CFAP54: variants seen among roughly 807,000 people sequenced by gnomAD.
The protein encoded by CFAP54 is cilia- and flagella-associated protein 54.
CFAP54 carries 290 observed loss-of-function variants against 370.4 expected under a neutral mutation model. The ratio of observed to expected loss-of-function variants is 0.78; its 90% confidence interval spans 0.71 to 0.86. The LOEUF is 0.86. CFAP54 is among the 40% of genes least tolerant of loss of function. CFAP54 has a pLI of 0.00. For synonymous variants in CFAP54, 1,206 were observed against 1,236.5 expected (o/e 0.98, Z 0.52); for missense variants, 3,399 against 3,528.7 (o/e 0.96, Z 0.93).
intron 35 of CFAP54, 27 bp from the exon 36 acceptor site, chr12:96,651,561 A>T (rs1452460732): frequency 1.3e-6 from 2 of 1,582,216 alleles, no homozygotes; most frequent in Non-Finnish European, 1.7e-6. Context: ...GAACTTTGGG[A>T]TCTTTTAAAT....
chr12:96,728,728 G>A (rs189300843), intron 50 of CFAP54, among the ~76,000 whole-genome samples: 36,532 of 152,012 alleles, frequency 0.24, 4,560 homozygotes, highest in South Asian at 0.29. Flanking sequence ...GAGTAACTGT[G>A]TTCCTTTGGA....
intron 67 of CFAP54, among the ~76,000 whole-genome samples, chr12:96,865,396 A>G (rs985105125): frequency 6.6e-6 from 1 of 152,212 alleles, no homozygotes; most frequent in African/African-American, 2.4e-5. Context: ...AGAAGATACC[A>G]TTGTATACTA....
chr12:96,810,100 G>A (rs1344474825), intron 63 of CFAP54, among the ~76,000 whole-genome samples: 8 of 151,920 alleles, frequency 5.3e-5, no homozygotes, highest in Non-Finnish European at 8.8e-5. Context: ...CAGATGAAAG[G>A]GAGGTTGTCT....
chr12:96,826,851 TA>T (rs1959118098), intron 65 of CFAP54, among the ~76,000 whole-genome samples: 1 of 117,702 alleles, frequency 8.5e-6, no homozygotes, highest in African/African-American at 3.3e-5. Context: ...TAATATTATA[TA>T]ATATATTATA....
intron 13 of CFAP54, 65 bp downstream of exon 13, chr12:96,538,583 AT>A: frequency 6.8e-7 from 1 of 1,479,494 alleles, no homozygotes; most frequent in Non-Finnish European, 9.0e-7. Context: ...TGCCACACAC[AT>A]TTCAAATCTA....
chr12:96,741,101 G>A (rs1344335428), intron 51 of CFAP54, among the ~76,000 whole-genome samples: 5 of 152,268 alleles, frequency 3.3e-5, no homozygotes, highest in African/African-American at 1.2e-4. Flanking sequence ...TAGACTCTTT[G>A]AGTACTTCTT....
At chr12:96,856,496 C>A (rs1295900656) in intron 66 of CFAP54, among the ~76,000 whole-genome samples, 1 of 152,210 alleles carries the variant, frequency 6.6e-6, no homozygotes, top group Non-Finnish European at 1.5e-5. Flanking sequence ...CAGAGTTCCA[C>A]AGATCTCTAG....
intron 5 of CFAP54, among the ~76,000 whole-genome samples, chr12:96,515,947 G>A (rs892917166): frequency 3.2e-5 from 4 of 123,932 alleles, no homozygotes; most frequent in African/African-American, 6.5e-5. Flanking sequence ...ATGGAGTCTC[G>A]CTCTGTCGCC....
chr12:96,785,279 A>G (rs1157163483), intron 61 of CFAP54, among the ~76,000 whole-genome samples: 1 of 152,016 alleles, frequency 6.6e-6, no homozygotes, highest in Non-Finnish European at 1.5e-5. Flanking sequence ...GAAGAAATGC[A>G]TGACTTCAGA....
At chr12:96,691,659 A>G (rs551609663) in intron 44 of CFAP54, among the ~76,000 whole-genome samples, 2 of 152,264 alleles carry the variant, frequency 1.3e-5, no homozygotes, top group South Asian at 2.1e-4. Context: ...GGTTATATCA[A>G]TCCCAAAACT....
At chr12:96,685,355 C>T (rs1281197891) in intron 42 of CFAP54, 117 bp downstream of exon 42, 3 of 800,634 alleles carry the variant, frequency 3.7e-6, no homozygotes, top group African/African-American at 3.4e-5. Flanking sequence ...AGGTTATGTC[C>T]ATATCATACA....
chr12:96,681,024 A>G (rs929979889), intron 40 of CFAP54, among the ~76,000 whole-genome samples: 18 of 152,064 alleles, frequency 1.2e-4, no homozygotes, highest in African/African-American at 4.1e-4. Flanking sequence ...CAGAGGTTGC[A>G]GTGAGCCGAG....
chr12:96,794,316 G>A (rs1958734588), intron 63 of CFAP54, among the ~76,000 whole-genome samples: 1 of 151,974 alleles, frequency 6.6e-6, no homozygotes, highest in Non-Finnish European at 1.5e-5. Context: ...TTCCTTGATT[G>A]TTTCCTCAAA....
chr12:96,669,695 G>C (rs902917357), intron 39 of CFAP54, among the ~76,000 whole-genome samples: 1 of 152,162 alleles, frequency 6.6e-6, no homozygotes, highest in Admixed American at 6.5e-5. Context: ...TAGAGGAAAA[G>C]GTCGCTTTGG....
At chr12:96,800,013 C>A (rs961455277) in intron 63 of CFAP54, among the ~76,000 whole-genome samples, 1 of 152,058 alleles carries the variant, frequency 6.6e-6, no homozygotes, top group African/African-American at 2.4e-5. Flanking sequence ...AAGATTATAT[C>A]CATTCGGAGA....
intron 40 of CFAP54, among the ~76,000 whole-genome samples, chr12:96,680,178 C>T (rs1957254781): frequency 6.6e-6 from 1 of 152,210 alleles, no homozygotes; most frequent in Non-Finnish European, 1.5e-5. Context: ...TTAAAGCAAG[C>T]ATCAACAAGA....
intron 45 of CFAP54, among the ~76,000 whole-genome samples, chr12:96,699,350 C>T (rs2136575756): frequency 6.6e-6 from 1 of 152,248 alleles, no homozygotes; most frequent in East Asian, 1.9e-4. Flanking sequence ...CGTGAGACAG[C>T]CTTAGATTCC....
At chr12:96,570,720 G>A (rs555791333) in intron 19 of CFAP54, among the ~76,000 whole-genome samples, 1 of 152,232 alleles carries the variant, frequency 6.6e-6, no homozygotes, top group Non-Finnish European at 1.5e-5. Context: ...AACAGAGTAA[G>A]CAGTCAATAA....
chr12:96,545,209 G>A (rs1456266684), intron 14 of CFAP54, among the ~76,000 whole-genome samples: 2 of 152,000 alleles, frequency 1.3e-5, no homozygotes, highest in East Asian at 1.9e-4. Context: ...CACTGCACCC[G>A]ACCTCTTCCT....
Sources: allele counts gnomAD v4.1 joint callset (sites outside exome capture counted in the v4.1 genomes callset), GRCh38; gene constraint gnomAD v4.1.1; transcripts MANE v1.5; gene names NCBI Gene and HGNC (gene_info 2026-07-23, HGNC 2026-07-21).